The following HIVEP3 variants were observed in gnomAD, a reference collection of about 807,000 sequenced individuals.
HIVEP3 encodes the protein transcription factor HIVEP3.
Under a neutral mutation model 152.8 loss-of-function variants are expected in HIVEP3, and 49 were observed. The ratio of observed to expected loss-of-function variants is 0.32; its 90% CI spans 0.26 to 0.41. The LOEUF is 0.41. Among genes scored for constraint, HIVEP3 ranks in the 10% least tolerant of loss-of-function variants. The pLI is 1.00. For missense variants in HIVEP3, 2,790 were observed against 3,103.3 expected, an observed-to-expected ratio of 0.90 and a Z score of 2.40; for synonymous variants, 1,269 against 1,289.0, an observed-to-expected ratio of 0.98 and a Z score of 0.33.
chr1:42,029,006 A>G (rs1160306211), intron 1 of HIVEP3, among the ~76,000 whole-genome samples: 4 of 152,206 alleles, frequency 2.6e-5, no homozygotes, highest in Non-Finnish European at 5.9e-5. Context: ...GAAATCTCCC[A>G]CTTGTTAAAT....
intron 1 of HIVEP3, among the ~76,000 whole-genome samples, chr1:41,761,856 C>G (rs141916162): frequency 0.015 from 2,230 of 152,302 alleles, 25 homozygotes; most frequent in Non-Finnish European, 0.019. Flanking sequence ...AGACAAATCC[C>G]AAGGCAGACA....
chr1:41,698,043 G>T (rs1340769680), intron 2 of HIVEP3, among the ~76,000 whole-genome samples: 1 of 152,186 alleles, frequency 6.6e-6, no homozygotes, highest in Non-Finnish European at 1.5e-5. Context: ...AAGAGCACCT[G>T]CCTCACAGAC....
intron 3 of HIVEP3, among the ~76,000 whole-genome samples, chr1:41,604,987 C>T (rs947380302): frequency 3.3e-5 from 5 of 151,182 alleles, no homozygotes; most frequent in Non-Finnish European, 5.9e-5. Flanking sequence ...CACCTGTGGT[C>T]CTAGCTACTT....
chr1:41,812,676 T>C (rs1026525739), intron 1 of HIVEP3, among the ~76,000 whole-genome samples: 3 of 150,668 alleles, frequency 2.0e-5, no homozygotes, highest in African/African-American at 7.3e-5. Context: ...CCAAGGCTGG[T>C]AGGGGGTGGG....
At chr1:41,592,262 AG>A (rs1276355894) in intron 3 of HIVEP3, among the ~76,000 whole-genome samples, 1 of 152,224 alleles carries the variant, frequency 6.6e-6, no homozygotes, top group Non-Finnish European at 1.5e-5. Context: ...TGGAACACAC[AG>A]GTCTACTGTG....
chr1:42,011,005 C>T (rs4660210), intron 1 of HIVEP3, among the ~76,000 whole-genome samples: 109,836 of 152,124 alleles, frequency 0.72, 39,973 homozygotes, highest in East Asian at 0.96. Context: ...TTCTAGGACA[C>T]GGTTTCCCAC....
At chr1:41,899,011 G>A (rs937492075) in intron 1 of HIVEP3, among the ~76,000 whole-genome samples, 4 of 152,204 alleles carry the variant, frequency 2.6e-5, no homozygotes, top group African/African-American at 4.8e-5. Context: ...CACAAGATGC[G>A]GATGGTGAAC....
rs1040094240 is a variant in HIVEP3, at chr1:41,660,164, AGTGT to A, written c.-720-31221_-720-31218del. 7.2e-5 allele frequency among the ~76,000 whole-genome samples: 11 copies of A among 152,024 alleles called. No individual in the cohort carries two copies. The East Asian group carries it at 2.1e-3, about 29-fold the overall frequency. On this transcript the variant is annotated intron_variant, in intron 2 of 8. Transcript: ENST00000372583. ...ACTTGTGTGTACAAGTGGGTGTTTG[AGTGT>A]GTAAGAGTGCACACACGTGTGTATG...
intron 3 of HIVEP3, among the ~76,000 whole-genome samples, chr1:41,624,054 T>A (rs10890147): frequency 0.77 from 116,955 of 152,068 alleles, 45,840 homozygotes; most frequent in East Asian, 1. Context: ...GCTAGGAGAC[T>A]TCCCAAGCCT....
chr1:41,882,041 T>A (rs144700892), intron 1 of HIVEP3, among the ~76,000 whole-genome samples: 201 of 152,368 alleles, frequency 1.3e-3, no homozygotes, highest in African/African-American at 4.6e-3. Context: ...AGTATATTTT[T>A]ATCTTGTGGC....
intron 1 of HIVEP3, among the ~76,000 whole-genome samples, chr1:42,027,663 A>G (rs1032680682): frequency 1.3e-4 from 20 of 152,314 alleles, no homozygotes; most frequent in African/African-American, 4.8e-4. Context: ...CTGCCGATAA[A>G]GACATACCCG....
Position 41,513,501 on chromosome 1 carries a change from G to T in HIVEP3, c.5720C>A (p.Ala1907Asp). Residue 1907 changes from alanine (A) to aspartate (D), a missense_variant, in exon 8 of 9, where the codon GCC (alanine) becomes GAC (aspartate). Physicochemically the swap from Ala to Asp is moderately radical, Grantham distance 126 (BLOSUM62 -2). Around this residue, in one of 9 missense-constraint regions of HIVEP3, gnomAD observed 816 missense variants for 806.5 expected, o/e 1.01. Coordinates refer to ENST00000372583, the MANE Select transcript of HIVEP3 (RefSeq NM_024503.5). ...GCCTCGTGTAGCCTCCGTGCCAGAG[G>T]CGGGGGCATCTGGGGGCTGAGGGCC... ...ILGPQPPDAP[A>D]SGTEATRGSS... 6.2e-7 allele frequency: 1 copy of T among 1,606,400 alleles called. No individual in the cohort carries two copies.
intron 3 of HIVEP3, among the ~76,000 whole-genome samples, chr1:41,587,318 CAGTCAAAGGCCTCCTGTGACTTGT>C (rs1644519542): frequency 6.6e-6 from 1 of 152,190 alleles, no homozygotes; most frequent in South Asian, 2.1e-4. Flanking sequence ...CTCCTATGAG[CAGTCAAAGGCCTCCTGTGACTTGT>C]ACCAAAGCAG....
chr1:42,030,175 A>G (rs1241691603), intron 1 of HIVEP3, among the ~76,000 whole-genome samples: 1 of 152,170 alleles, frequency 6.6e-6, no homozygotes, highest in African/African-American at 2.4e-5. Context: ...AGTTTGTCCA[A>G]CCTAGAGCCC....
At chr1:41,616,596 T>G in intron 3 of HIVEP3, among the ~76,000 whole-genome samples, 1 of 141,944 alleles carries the variant, frequency 7.0e-6, no homozygotes, top group Non-Finnish European at 1.5e-5. Flanking sequence ...AAACAGGGTA[T>G]AGGAAGTGGG....
chr1:41,931,570 T>C (rs953387937), intron 1 of HIVEP3, among the ~76,000 whole-genome samples: 1 of 152,066 alleles, frequency 6.6e-6, no homozygotes, highest in African/African-American at 2.4e-5. Context: ...TTTGTTTTCA[T>C]GGGGACAAAC....
In HIVEP3 at chr1:41,584,547, G is replaced by A. The variant is rs1328478991; in HGVS notation, c.251C>T (p.Pro84Leu). The A allele has an allele frequency of 1.2e-6, 2 of 1,614,000 alleles. No individual in the cohort carries two copies. The highest frequency in any genetic ancestry group is 4.5e-5 in the East Asian group (2 of 44,892). Residue 84 changes from proline (P) to leucine (L), a missense_variant, in exon 4 of 9, where the codon CCC becomes CTC. By Grantham distance (98) the Pro-to-Leu change is moderately conservative. Transcript: ENST00000372583. This position sits in a 1 kb window ranked among gnomAD's most constrained non-coding sequence, Gnocchi z 5.2. Reference protein sequence around the residue: ...TGQQQKPPKRPPIEASVHISQ... With the variant: ...TGQQQKPPKRLPIEASVHISQ... ...GATGTGGACGGATGCTTCGATGGGG[G>A]GCCTTTTGGGGGGCTTCTGCTGCTG...
At chr1:41,710,474 T>C (rs1253381447) in intron 1 of HIVEP3, among the ~76,000 whole-genome samples, 1 of 152,182 alleles carries the variant, frequency 6.6e-6, no homozygotes, top group East Asian at 1.9e-4. Flanking sequence ...CAGAGCCTTA[T>C]GGAATGGCTC....
intron 1 of HIVEP3, among the ~76,000 whole-genome samples, chr1:41,973,771 C>T (rs947101016): frequency 6.6e-6 from 1 of 152,198 alleles, no homozygotes; most frequent in African/African-American, 2.4e-5. Flanking sequence ...GAGCCAGTGG[C>T]AAGGGCAGGG....
Sources: gnomAD v4.1 joint callset for allele counts (sites outside exome capture counted in the v4.1 genomes callset) on GRCh38, gnomAD v4.1.1 for gene constraint, gnomAD v4.1.1 regional missense constraint, Gnocchi (gnomAD v3.1) non-coding constraint, MANE v1.5 for transcripts, NCBI Gene and HGNC (gene_info 2026-07-23, HGNC 2026-07-21) for gene names.